The following MAGED1 variants were observed in gnomAD, a reference collection of about 807,000 sequenced individuals.
MAGED1 encodes melanoma-associated antigen D1.
In MAGED1, 3 loss-of-function variants were observed where a neutral mutation model predicts 54.1. The observed-to-expected ratio is 0.06, with a 90% CI of 0.03 to 0.14. The LOEUF (loss-of-function observed/expected upper bound fraction) is 0.14, where lower values mean the gene tolerates loss of function less well. Among genes scored for constraint, MAGED1 ranks in the 10% least tolerant of loss-of-function variants. The probability of loss-of-function intolerance (pLI) is 1.00; values close to 1 mark genes in which losing one functional copy is unlikely to be tolerated. For synonymous variants in MAGED1, 217 were observed against 227.3 expected (o/e 0.95, Z 0.41); for missense variants, 485 against 623.4 (o/e 0.78, Z 2.36).
intron 1 of MAGED1, among the ~76,000 whole-genome samples, chrX:51,822,253 T>C (rs1557356592): frequency 8.9e-6 from 1 of 112,221 alleles, no homozygotes; most frequent in African/African-American, 3.2e-5. Flanking sequence ...ATCTTATCTA[T>C]TTCTTCCTAA....
intron 1 of MAGED1, among the ~76,000 whole-genome samples, chrX:51,827,703 T>C (rs991132191): frequency 3.6e-5 from 4 of 111,549 alleles, no homozygotes; most frequent in African/African-American, 9.8e-5. Context: ...CTAAAGCTTA[T>C]CTAAAAACTA....
At chrX:51,806,301 G>A (rs1354992671) in intron 1 of MAGED1, among the ~76,000 whole-genome samples, 1 of 111,519 alleles carries the variant, frequency 9.0e-6, no homozygotes, top group African/African-American at 3.3e-5. Flanking sequence ...AAGTGAACTC[G>A]GCTGTGTAAC....
chrX:51,810,298 C>A (rs1273733101), intron 1 of MAGED1, among the ~76,000 whole-genome samples: 2 of 111,375 alleles, frequency 1.8e-5, no homozygotes, highest in East Asian at 2.8e-4. Context: ...TTCAGTGAAC[C>A]TTGGTATTTA....
intron 1 of MAGED1, among the ~76,000 whole-genome samples, chrX:51,821,527 A>T (rs1420792572): frequency 1.8e-5 from 2 of 111,129 alleles, no homozygotes; most frequent in Non-Finnish European, 3.8e-5. Flanking sequence ...AGTAGCTGAG[A>T]CTACAGGCAC....
At chrX:51,880,490 A>G (rs1383033203) in intron 1 of MAGED1, among the ~76,000 whole-genome samples, 3 of 112,000 alleles carry the variant, frequency 2.7e-5, no homozygotes, top group African/African-American at 9.7e-5. Context: ...CATATAATTT[A>G]TGTTGAGTTG....
At chrX:51,853,487 G>C (rs1192540002) in intron 1 of MAGED1, among the ~76,000 whole-genome samples, 2 of 111,829 alleles carry the variant, frequency 1.8e-5, no homozygotes, top group Non-Finnish European at 3.8e-5. Flanking sequence ...CCAGCTCATT[G>C]TTGGGAATGT....
chrX:51,870,984 G>A (rs782570312), intron 1 of MAGED1, among the ~76,000 whole-genome samples: 31 of 112,498 alleles, frequency 2.8e-4, no homozygotes, highest in African/African-American at 9.3e-4. Context: ...TCCAGTGCTT[G>A]GCAGCACACT....
chrX:51,833,843 G>C (rs782346994), intron 1 of MAGED1, among the ~76,000 whole-genome samples: 2 of 111,514 alleles, frequency 1.8e-5, no homozygotes, highest in Non-Finnish European at 3.8e-5. Flanking sequence ...AATACATTTA[G>C]AAAATCGCAA....
intron 2 of MAGED1, 71 bp downstream of exon 2, chrX:51,894,420 C>A: frequency 9.9e-7 from 1 of 1,013,465 alleles, no homozygotes; most frequent in Non-Finnish European, 1.4e-6. Context: ...CCTCTTTGGT[C>A]TCCCAAACGC....
intron 6 of MAGED1, 60 bp from the exon 7 acceptor site, chrX:51,897,735 G>T (rs1928823931): frequency 2.8e-6 from 3 of 1,056,707 alleles, no homozygotes; most frequent in Non-Finnish European, 2.6e-6. Flanking sequence ...ATGAGTGTCT[G>T]CCTATGGGTA....
At chrX:51,838,905 A>G (rs1236467000) in intron 1 of MAGED1, among the ~76,000 whole-genome samples, 1 of 111,042 alleles carries the variant, frequency 9.0e-6, no homozygotes, top group African/African-American at 3.3e-5. Flanking sequence ...TTTTCTGACT[A>G]TGGAATAGTG....
At position 51,872,229 on chromosome X, in the gene MAGED1, C is replaced by CT. The variant is rs1423962851; in HGVS notation, c.-36-22039dup. Reference sequence around the variant, plus strand: ...AATTTTCTCCCATTCTGTAGGTTGCCTGTTCACTCTGGTGGTAGTTTCTTT... The same window carrying CT: ...AATTTTCTCCCATTCTGTAGGTTGCCTTGTTCACTCTGGTGGTAGTTTCTTT... On this transcript the variant is annotated intron_variant, in intron 1 of 12. Coordinates refer to the MAGED1 transcript ENST00000375772. Among the ~76,000 whole-genome samples, 16 of 111,785 alleles carry CT rather than the reference C, an allele frequency of 1.4e-4. 1 individual carries two copies. Among genetic ancestry groups the CT allele is most frequent in the African/African-American group, 4.9e-4 (15 of 30,698 alleles).
At chrX:51,877,875 A>C (rs1557362154) in intron 1 of MAGED1, among the ~76,000 whole-genome samples, 1 of 111,854 alleles carries the variant, frequency 8.9e-6, no homozygotes, top group African/African-American at 3.2e-5. Flanking sequence ...TGAAATCAGG[A>C]AATGTCATAC....
chrX:51,851,412 T>C (rs782432079), intron 1 of MAGED1, among the ~76,000 whole-genome samples: 1 of 111,445 alleles, frequency 9.0e-6, no homozygotes, highest in South Asian at 3.8e-4. Flanking sequence ...CCTCCAGGGA[T>C]ACATTCCAAG....
At chrX:51,862,976 G>T (rs1927331208) in intron 1 of MAGED1, among the ~76,000 whole-genome samples, 1 of 111,185 alleles carries the variant, frequency 9.0e-6, no homozygotes, top group African/African-American at 3.3e-5. Context: ...TTTTTTGTGG[G>T]AATACTTAAG....
intron 1 of MAGED1, among the ~76,000 whole-genome samples, chrX:51,863,146 A>G (rs374869914): frequency 8.9e-6 from 1 of 112,229 alleles, no homozygotes; most frequent in Admixed American, 9.4e-5. Context: ...ACCTTGGGTA[A>G]CCACCCATCC....
At chrX:51,822,666 A>G (rs1317881030) in intron 1 of MAGED1, among the ~76,000 whole-genome samples, 1 of 110,511 alleles carries the variant, frequency 9.0e-6, no homozygotes, top group Non-Finnish European at 1.9e-5. Context: ...CCAGCTTTTT[A>G]TTTCTAGAAT....
intron 1 of MAGED1, among the ~76,000 whole-genome samples, chrX:51,804,776 A>G (rs1323457028): frequency 8.9e-6 from 1 of 111,961 alleles, no homozygotes; most frequent in Non-Finnish European, 1.9e-5. Flanking sequence ...GGGTTCTACT[A>G]TTTTAGATAG....
intron 5 of MAGED1, 51 bp downstream of exon 5, chrX:51,897,322 GCT>G: frequency 9.1e-7 from 1 of 1,094,426 alleles, no homozygotes; most frequent in South Asian, 1.9e-5. Context: ...TTCACTCCAT[GCT>G]CTGTCAGCAT....
Sources: allele counts gnomAD v4.1 joint callset (sites outside exome capture counted in the v4.1 genomes callset), GRCh38; gene constraint gnomAD v4.1.1; transcripts MANE v1.5; gene names NCBI Gene and HGNC (gene_info 2026-07-23, HGNC 2026-07-21).